TDRD10: variants seen among roughly 807,000 people sequenced by gnomAD.
TDRD10 encodes the protein tudor domain-containing protein 10.
TDRD10 carries 40 observed loss-of-function variants against 48.0 expected under a neutral mutation model. The ratio of observed to expected loss-of-function variants is 0.83; its 90% CI spans 0.65 to 1.09. The LOEUF is 1.09. TDRD10 is among the 50% of genes least tolerant of loss of function. The pLI is 0.00. For synonymous variants in TDRD10, 162 were observed against 170.4 expected (o/e 0.95, Z 0.38); for missense variants, 378 against 434.7 (o/e 0.87, Z 1.16).
At chr1:154,517,890 C>G (rs1693860580) in intron 4 of TDRD10, among the ~76,000 whole-genome samples, 2 of 152,152 alleles carry the variant, frequency 1.3e-5, no homozygotes, top group African/African-American at 4.8e-5. Flanking sequence ...GCATCAGGGC[C>G]ACACGGTCCT....
At position 154,542,766 on chromosome 1, in the gene TDRD10, C is replaced by G; in HGVS notation, c.448C>G (p.Leu150Val). 1.2e-6 allele frequency: 2 copies of G among 1,613,938 alleles called. No homozygotes were observed. Among genetic ancestry groups the G allele is most frequent in the Non-Finnish European group, 1.7e-6 (2 of 1,179,902 alleles). ...IQLAPKAPVDLCETEKLRAAF... is the reference protein window; with the variant it reads ...IQLAPKAPVDVCETEKLRAAF... ...GCTCGCTCCTAAAGCTCCTGTTGAC[C>G]TGTGTGAGACAGAGAAACTGAGGGC... The change falls in exon 8 of 13, where the codon CTG (leucine) becomes GTG (valine). Residue 150 changes from leucine to valine, a missense_variant. Leu to Val is a conservative substitution (Grantham distance 32). Around this residue, in one of 2 missense-constraint regions of TDRD10, gnomAD observed 310 missense variants for 323.6 expected, o/e 0.96. Coordinates refer to ENST00000368482, the MANE Select transcript of TDRD10 (RefSeq NM_182499.4).
chr1:154,543,325 T>C (rs1054182163), intron 8 of TDRD10, among the ~76,000 whole-genome samples: 4 of 152,130 alleles, frequency 2.6e-5, no homozygotes, highest in African/African-American at 9.7e-5. Context: ...TCCACTTATG[T>C]ACAGCAAAGG....
chr1:154,543,863 A>G, intron 8 of TDRD10, 100 bp from the exon 9 acceptor site: 1 of 1,533,010 alleles, frequency 6.5e-7, no homozygotes, highest in Non-Finnish European at 8.8e-7. Context: ...CTCATCCCCC[A>G]GGCAGTTCAG....
intron 8 of TDRD10, 141 bp from the exon 9 acceptor site, chr1:154,543,821 AG>A (rs1212106823): frequency 6.4e-6 from 8 of 1,249,982 alleles, no homozygotes; most frequent in Non-Finnish European, 8.9e-6. Context: ...CCCACCCTAG[AG>A]GGGGTGGGCA....
At position 154,507,233 on chromosome 1, in the gene TDRD10, T is replaced by A. The variant is rs370913635; in HGVS notation, c.3-8T>A. 1.2e-6 allele frequency: 2 copies of A among 1,613,846 alleles called. No individual in the cohort carries two copies. Among genetic ancestry groups the A allele is most frequent in the African/African-American group, 2.7e-5 (2 of 74,884 alleles). On this transcript the variant is annotated splice_region_variant and splice_polypyrimidine_tract_variant and intron_variant, in intron 2 of 12. Coordinates refer to ENST00000368482, the MANE Select transcript of TDRD10 (RefSeq NM_182499.4). Reference sequence around the variant, plus strand: ...GGGAGGTTCGATGCTGACACCTGTGTTTGACAGGTCCTGGAACATTAGTCA... The same window carrying A: ...GGGAGGTTCGATGCTGACACCTGTGATTGACAGGTCCTGGAACATTAGTCA...
At chr1:154,537,169 G>A (rs942972786) in intron 6 of TDRD10, among the ~76,000 whole-genome samples, 2 of 152,114 alleles carry the variant, frequency 1.3e-5, no homozygotes, top group Non-Finnish European at 2.9e-5. Context: ...CACCACCTCA[G>A]GAGGACTTTC....
intron 2 of TDRD10, 124 bp from the exon 3 acceptor site, chr1:154,507,117 G>T: frequency 6.5e-7 from 1 of 1,536,090 alleles, no homozygotes; most frequent in East Asian, 2.4e-5. Flanking sequence ...GGAGGAGGAA[G>T]GGAAGCCTTT....
intron 8 of TDRD10, among the ~76,000 whole-genome samples, chr1:154,543,681 G>A (rs534943371): frequency 5.3e-5 from 8 of 152,176 alleles, no homozygotes; most frequent in Non-Finnish European, 1.2e-4. Flanking sequence ...CACCTCTCTC[G>A]GAGTTTCTCA....
In TDRD10 at chr1:154,521,379, T is replaced by C; in HGVS notation, c.269T>C (p.Leu90Pro). The C allele has an allele frequency of 6.2e-7, 1 of 1,614,216 alleles. No homozygotes were observed. The highest frequency in any genetic ancestry group is 1.1e-5 in the South Asian group (1 of 91,088). ...AAAGTGACACTTGCAATCCAGGAGC[T>C]GAATGGTAAACTCTTCCACAAGCGA... The part of the protein sequence containing the change: ...MQKVTLAIQE[L>P]NGKLFHKRKL... The change falls in exon 6 of 13, where the codon CTG (leucine) becomes CCG (proline). Residue 90 changes from leucine to proline, a missense_variant. Leu to Pro is a moderately conservative substitution (Grantham distance 98). This residue lies in a region of TDRD10 where 310 missense variants were observed against 323.6 expected (regional missense o/e 0.96). Transcript: ENST00000368482.
At chr1:154,521,505 G>A (rs764636250) in intron 6 of TDRD10, 26 bp downstream of exon 6, 1 of 1,608,636 alleles carries the variant, frequency 6.2e-7, no homozygotes, top group Non-Finnish European at 8.5e-7. Context: ...TTTCTGCTCT[G>A]GGGCGTTCCA....
intron 3 of TDRD10, 48 bp from the exon 4 acceptor site, chr1:154,508,375 C>T (rs1273722669): frequency 7.8e-7 from 1 of 1,286,706 alleles, no homozygotes; most frequent in Non-Finnish European, 1.1e-6. Flanking sequence ...TCCTCTGAAT[C>T]CTCTAACCGT....
intron 6 of TDRD10, among the ~76,000 whole-genome samples, chr1:154,526,085 G>C (rs1247080968): frequency 6.7e-6 from 1 of 149,762 alleles, no homozygotes; most frequent in Non-Finnish European, 1.5e-5. Context: ...TGCACCTGTA[G>C]TCCCAGCTAC....
chr1:154,521,582 C>A, intron 6 of TDRD10, 103 bp downstream of exon 6: 1 of 1,354,954 alleles, frequency 7.4e-7, no homozygotes, highest in East Asian at 2.3e-5. Context: ...TCCAGTCTGA[C>A]TGTGGAGAAG....
At position 154,506,889 on chromosome 1, in the gene TDRD10, G is replaced by C. The variant is rs760715349; in HGVS notation, c.-15G>C. The C allele has an allele frequency of 1.9e-6, 3 of 1,614,060 alleles. No individual in the cohort carries two copies. In the South Asian group the frequency reaches 3.3e-5, roughly 18 times the overall value. On this transcript the variant is annotated 5_prime_UTR_variant, in exon 2 of 13. Coordinates refer to ENST00000368482, the MANE Select transcript of TDRD10 (RefSeq NM_182499.4). Reference sequence around the variant, plus strand: ...GTTGGTTTTGTAGGAGATCCTGTTGGAAAGCAACTGCAGCATGTAAGTCCC... The same window carrying C: ...GTTGGTTTTGTAGGAGATCCTGTTGCAAAGCAACTGCAGCATGTAAGTCCC...
chr1:154,502,244 G>A lies in TDRD10; in HGVS notation c.-813G>A, dbSNP rs992789993. ...GTCTTCAACGCCTGCCCGGCCCGAG[G>A]ACACCGTGGCTCTCGGAGGCGGCGG... On this transcript the variant is annotated 5_prime_UTR_variant, in exon 1 of 13. Transcript: ENST00000368482. The A allele has an allele frequency of 9.8e-5, 25 of 253,854 alleles. No homozygotes were observed. The highest frequency in any genetic ancestry group is 1.8e-4 in the Non-Finnish European group (25 of 139,514). The allele number at this position is 253,854 out of a possible 1,614,324, so 15.7% of individuals were successfully genotyped here.
At chr1:154,545,779 T>A (rs1223193027) in intron 11 of TDRD10, among the ~76,000 whole-genome samples, 1 of 150,892 alleles carries the variant, frequency 6.6e-6, no homozygotes, top group African/African-American at 2.4e-5. Context: ...GTCTTTTTTT[T>A]TTTTTTTTTG....
chr1:154,508,592 TA>T, intron 4 of TDRD10, 111 bp downstream of exon 4: 1 of 765,736 alleles, frequency 1.3e-6, no homozygotes, highest in East Asian at 2.5e-5. Context: ...AGAGCTATGA[TA>T]GTGCAGACAG....
In TDRD10 at chr1:154,544,366, C is replaced by G; in HGVS notation, c.652-6C>G. 2.5e-6 allele frequency: 4 copies of G among 1,577,358 alleles called. No homozygotes were observed. The highest frequency in any genetic ancestry group is 3.4e-6 in the Non-Finnish European group (4 of 1,161,390). On this transcript the variant is annotated splice_region_variant and splice_polypyrimidine_tract_variant and intron_variant, in intron 9 of 12. Coordinates refer to ENST00000368482, the MANE Select transcript of TDRD10 (RefSeq NM_182499.4). The stretch of plus-strand genomic sequence containing the variant: ...CAGTGGGGCCGTTGCGTTTTGCACC[C>G]CACAGGCTCTGCACCAGAACATGCA...
intron 4 of TDRD10, among the ~76,000 whole-genome samples, chr1:154,516,753 C>T (rs1290184553): frequency 6.6e-6 from 1 of 152,104 alleles, no homozygotes; most frequent in Non-Finnish European, 1.5e-5. Context: ...TTCAGATTAG[C>T]CTGGGCAACA....
Sources: gnomAD v4.1 joint callset for allele counts (sites outside exome capture counted in the v4.1 genomes callset) on GRCh38, gnomAD v4.1.1 for gene constraint, gnomAD v4.1.1 regional missense constraint, MANE v1.5 for transcripts, NCBI Gene and HGNC (gene_info 2026-07-23, HGNC 2026-07-21) for gene names.